The following GRM3 variants were observed in gnomAD, a reference collection of about 807,000 sequenced individuals.
GRM3 encodes the protein glutamate metabotropic receptor 3.
GRM3 carries 26 observed loss-of-function variants against 70.5 expected under a neutral mutation model. The observed-to-expected ratio is 0.37, with a 90% CI of 0.27 to 0.51. GRM3 has a LOEUF of 0.51. GRM3 is among the 20% of genes least tolerant of loss of function. The pLI is 0.93. For synonymous variants in GRM3, 443 were observed against 434.9 expected (o/e 1.02, Z -0.23); for missense variants, 859 against 1,123.8 (o/e 0.76, Z 3.37).
Position 86,822,765 on chromosome 7 carries a change from TA to T in GRM3, c.1325-16070del, listed in dbSNP as rs1186914313. Reference sequence around the variant, plus strand: ...TTTTTTAAAAGTAAATCAATTAAAATAAAATTTGATAGTCCAAAAATTGGGA... The same window carrying T: ...TTTTTTAAAAGTAAATCAATTAAAATAAATTTGATAGTCCAAAAATTGGGA... On this transcript the variant is annotated intron_variant, in intron 3 of 5. Coordinates refer to ENST00000361669, the MANE Select transcript of GRM3 (RefSeq NM_000840.3). 4.6e-5 allele frequency among the ~76,000 whole-genome samples: 7 copies of T among 152,270 alleles called. No individual in the cohort carries two copies. The East Asian group carries it at 1.3e-3, about 29-fold the overall frequency.
intron 1 of GRM3, among the ~76,000 whole-genome samples, chr7:86,725,082 G>A (rs926037736): frequency 3.2e-4 from 48 of 152,122 alleles, no homozygotes; most frequent in African/African-American, 1.1e-3. Context: ...ATGCATTGGA[G>A]TTGCCAAGAC....
At chr7:86,671,917 C>T (rs1037401784) in intron 1 of GRM3, among the ~76,000 whole-genome samples, 1 of 152,162 alleles carries the variant, frequency 6.6e-6, no homozygotes, top group South Asian at 2.1e-4. Flanking sequence ...GTCAGTGTAG[C>T]ACTACTGGAA....
intron 1 of GRM3, among the ~76,000 whole-genome samples, chr7:86,670,528 T>A (rs1794143889): frequency 6.6e-6 from 1 of 152,182 alleles, no homozygotes; most frequent in South Asian, 2.1e-4. Context: ...ATCCAATTGG[T>A]TCCATTTCCA....
chr7:86,758,896 T>C (rs1296377413), intron 1 of GRM3, among the ~76,000 whole-genome samples: 1 of 152,148 alleles, frequency 6.6e-6, no homozygotes, highest in Non-Finnish European at 1.5e-5. Flanking sequence ...GCAACGTCCC[T>C]CTCTTCAACA....
intron 1 of GRM3, among the ~76,000 whole-genome samples, chr7:86,761,440 G>T (rs900981087): frequency 2.0e-5 from 3 of 152,018 alleles, no homozygotes; most frequent in Non-Finnish European, 4.4e-5. Context: ...TCTACCTGTT[G>T]GTGACCCTAC....
In GRM3 at chr7:86,724,451, C is replaced by A. The variant is rs576103845; in HGVS notation, c.-140-40555C>A. Among the ~76,000 whole-genome samples the A allele has an allele frequency of 1.5e-3, 231 of 152,206 alleles. 1 individual carries two copies. Among genetic ancestry groups the A allele is most frequent in the African/African-American group, 5.4e-3 (226 of 41,552 alleles). On this transcript the variant is annotated intron_variant, in intron 1 of 5. Coordinates refer to ENST00000361669, the MANE Select transcript of GRM3 (RefSeq NM_000840.3). ...TTCCAAAAGGCCTGAATTGAAGACT[C>A]AATTTCCATATTGCAGAGTTGTTTT...
At chr7:86,826,376 C>G (rs181574119) in intron 3 of GRM3, among the ~76,000 whole-genome samples, 4 of 152,290 alleles carry the variant, frequency 2.6e-5, no homozygotes, top group Admixed American at 6.5e-5. Context: ...TGCTTCTTTC[C>G]TAAGAGCTGA....
intron 1 of GRM3, among the ~76,000 whole-genome samples, chr7:86,655,844 GTGTGT>G (rs1793724212): frequency 5.1e-5 from 7 of 137,820 alleles, no homozygotes; most frequent in African/African-American, 1.7e-4. Flanking sequence ...GTGTGTGTGT[GTGTGT>G]GTGGGTGGGT....
At chr7:86,712,355 T>C (rs1795218170) in intron 1 of GRM3, among the ~76,000 whole-genome samples, 2 of 152,076 alleles carry the variant, frequency 1.3e-5, no homozygotes, top group African/African-American at 4.8e-5. Context: ...TAAAAACCTT[T>C]AATAGTTTCA....
chr7:86,852,215 A>G (rs1353364755), intron 5 of GRM3, among the ~76,000 whole-genome samples: 2 of 152,172 alleles, frequency 1.3e-5, no homozygotes, highest in Non-Finnish European at 1.5e-5. Flanking sequence ...AGAGAATAAA[A>G]AGAAGGTTAT....
Position 86,708,482 on chromosome 7 carries a change from A to T in GRM3, c.-140-56524A>T, listed in dbSNP as rs146899660. Reference sequence around the variant, plus strand: ...GCTGATTGAGGGCATGTTGCCCTCCATTGAGGAGAGACCAGCCCCTGCTGG... The same window carrying T: ...GCTGATTGAGGGCATGTTGCCCTCCTTTGAGGAGAGACCAGCCCCTGCTGG... On this transcript the variant is annotated intron_variant, in intron 1 of 5. Coordinates refer to ENST00000361669, the MANE Select transcript of GRM3 (RefSeq NM_000840.3). Among the ~76,000 whole-genome samples the T allele has an allele frequency of 3.9e-3, 596 of 152,298 alleles. 4 individuals are homozygous for T. The highest frequency in any genetic ancestry group is 5.6e-3 in the Non-Finnish European group (378 of 68,018).
chr7:86,722,943 T>C (rs556211057), intron 1 of GRM3, among the ~76,000 whole-genome samples: 34 of 152,196 alleles, frequency 2.2e-4, no homozygotes, highest in Non-Finnish European at 3.1e-4. Context: ...GATCTTAATA[T>C]AACATATTTA....
At chr7:86,646,005 GTGGGGGGGGGTGGGAGGGA>G (rs1793458581) in intron 1 of GRM3, among the ~76,000 whole-genome samples, 3 of 42,410 alleles carry the variant, frequency 7.1e-5, no homozygotes, top group African/African-American at 2.5e-4. Flanking sequence ...GGGTGGGGGG[GTGGGGGGGGGTGGGAGGGA>G]GTTTAGGGGG....
At chr7:86,672,593 T>TTTTTGA (rs1584154249) in intron 1 of GRM3, among the ~76,000 whole-genome samples, 3 of 151,804 alleles carry the variant, frequency 2.0e-5, no homozygotes, top group East Asian at 3.9e-4. Context: ...GGTTTTTTTG[T>TTTTTGA]TTTTGTTTTT....
rs557165491 is a variant in GRM3, at chr7:86,655,179, A to T, written c.-141+10307A>T. 2.0e-5 allele frequency among the ~76,000 whole-genome samples: 3 copies of T among 152,236 alleles called. No homozygotes were observed. In the South Asian group the frequency reaches 6.2e-4, roughly 32 times the overall value. ...ACCTTTCTGTTTGCACCAAATACAC[A>T]CCTGAGTGTCTTTGTAGTATGATTT... is the stretch of plus-strand genomic sequence containing the variant. On this transcript the variant is annotated intron_variant, in intron 1 of 5. Coordinates refer to ENST00000361669, the MANE Select transcript of GRM3 (RefSeq NM_000840.3).
rs537859636 is a variant in GRM3 at position 86,716,599 on chromosome 7, G to A, written c.-140-48407G>A. Among the ~76,000 whole-genome samples the A allele has an allele frequency of 2.0e-5, 3 of 151,444 alleles. No homozygotes were observed. The South Asian group carries it at 6.2e-4, about 31-fold the overall frequency. On this transcript the variant is annotated intron_variant, in intron 1 of 5. Transcript: ENST00000361669. ...CAGGAGGGAGTGAGCACATATGCAG[G>A]TATCTGCACACATGAGTCAAACAAG...
At chr7:86,821,249 G>T (rs1472747959) in intron 3 of GRM3, among the ~76,000 whole-genome samples, 3 of 152,024 alleles carry the variant, frequency 2.0e-5, no homozygotes, top group Non-Finnish European at 2.9e-5. Flanking sequence ...TTAGGTAAAT[G>T]AAGTCTGCAA....
At chr7:86,825,080 T>C (rs1798204187) in intron 3 of GRM3, among the ~76,000 whole-genome samples, 1 of 152,150 alleles carries the variant, frequency 6.6e-6, no homozygotes, top group African/African-American at 2.4e-5. Flanking sequence ...ATTCTTTTCA[T>C]TTTTTTGAAT....
intron 1 of GRM3, among the ~76,000 whole-genome samples, chr7:86,689,916 T>C (rs905451904): frequency 1.3e-5 from 2 of 152,198 alleles, no homozygotes; most frequent in Non-Finnish European, 2.9e-5. Context: ...AATATCATTA[T>C]GGACTATGCC....
Sources: gnomAD v4.1 joint callset for allele counts (sites outside exome capture counted in the v4.1 genomes callset) on GRCh38, gnomAD v4.1.1 for gene constraint, MANE v1.5 for transcripts, NCBI Gene and HGNC (gene_info 2026-07-23, HGNC 2026-07-21) for gene names.